Variants in TINAG observed in about 807,000 individuals in gnomAD.
The protein encoded by TINAG is tubulointerstitial nephritis antigen.
Under a neutral mutation model 72.7 loss-of-function variants are expected in TINAG, and 83 were observed. The ratio of observed to expected loss-of-function variants is 1.14; its 90% CI spans 0.96 to 1.37. The LOEUF (loss-of-function observed/expected upper bound fraction) is 1.37. TINAG is among the 40% of genes most tolerant of loss of function. The pLI, the probability that TINAG is intolerant of heterozygous loss-of-function variation, is 0.00. For synonymous variants in TINAG, 234 were observed against 189.9 expected (o/e 1.23, Z -1.91); for missense variants, 685 against 576.6 (o/e 1.19, Z -1.93).
At chr6:54,307,993 A>C (rs1015184630), upstream of TINAG, 4 of 1,533,628 alleles carry the variant, frequency 2.6e-6, no homozygotes, top group Non-Finnish European at 3.5e-6. Context: ...CAGATGGGAA[A>C]TCAAACCAGT....
rs188220153 is a variant in TINAG at position 54,312,118 on chromosome 6, G to A, written c.355+3213G>A. 1.8e-3 allele frequency among the ~76,000 whole-genome samples: 272 copies of A among 151,706 alleles called. 2 individuals are homozygous for A. Among genetic ancestry groups the A allele is most frequent in the Non-Finnish European group, 2.9e-3 (199 of 67,942 alleles). ...GTCACCCAGGCTGAAGTACAGTGGC[G>A]CCATCATGGCTCACTGCAGCCTCGA... On this transcript the variant is annotated intron_variant, in intron 1 of 10. Coordinates refer to ENST00000259782, the MANE Select transcript of TINAG (RefSeq NM_014464.4).
chr6:54,379,936 G>A (rs372889565), intron 9 of TINAG, among the ~76,000 whole-genome samples: 36 of 151,806 alleles, frequency 2.4e-4, no homozygotes, highest in South Asian at 1.7e-3. Context: ...CCTAGCCCCC[G>A]ACCCCCAAAC....
chr6:54,308,500 T>TA lies in TINAG; in HGVS notation c.-49dup. On this transcript the variant is annotated 5_prime_UTR_variant, in exon 1 of 11. Transcript: ENST00000259782. ...GGTTCCAAGGAGAAGCCCACAAGGC[T>TA]AAGGGTATTGGATATAACGGAAAGT... 1 of 1,496,726 alleles carries TA rather than the reference T, an allele frequency of 6.7e-7. No homozygotes were observed. Among genetic ancestry groups the TA allele is most frequent in the Non-Finnish European group, 9.1e-7 (1 of 1,104,654 alleles). The allele number at this position is 1,496,726 out of a possible 1,614,324, so 92.7% of individuals were successfully genotyped here. A position where few individuals can be genotyped will look rare whatever the true frequency, so the allele number is the denominator to read the frequency against.
At chr6:54,320,372 G>A (rs1470429337) in intron 1 of TINAG, among the ~76,000 whole-genome samples, 1 of 152,060 alleles carries the variant, frequency 6.6e-6, no homozygotes, top group African/African-American at 2.4e-5. Flanking sequence ...ATAATATGCA[G>A]TTTAAAGATA....
chr6:54,309,481 T>C (rs1784189213), intron 1 of TINAG, among the ~76,000 whole-genome samples: 1 of 152,202 alleles, frequency 6.6e-6, no homozygotes, highest in Non-Finnish European at 1.5e-5. Flanking sequence ...CATTTGTTTT[T>C]CCAGTCTGGG....
chr6:54,317,210 C>A (rs1784391404), intron 1 of TINAG, among the ~76,000 whole-genome samples: 1 of 151,944 alleles, frequency 6.6e-6, no homozygotes, highest in South Asian at 2.1e-4. Flanking sequence ...TTTTCAATAC[C>A]TCCATCTCTA....
chr6:54,321,453 C>T, intron 3 of TINAG, 67 bp downstream of exon 3: 1 of 1,098,270 alleles, frequency 9.1e-7, no homozygotes, highest in Non-Finnish European at 1.4e-6. Context: ...CAATGTATTG[C>T]TTGGTTTCTA....
chr6:54,313,292 T>TAG (rs1784300150), intron 1 of TINAG, among the ~76,000 whole-genome samples: 1 of 152,132 alleles, frequency 6.6e-6, no homozygotes, highest in African/African-American at 2.4e-5. Context: ...TGCCCAGGAT[T>TAG]AGTTAGGGAT....
At chr6:54,330,340 G>A (rs1175641385) in intron 4 of TINAG, among the ~76,000 whole-genome samples, 2 of 152,092 alleles carry the variant, frequency 1.3e-5, no homozygotes, top group African/African-American at 2.4e-5. Flanking sequence ...CTGAACAACC[G>A]ATTCCTGAAT....
At chr6:54,343,454 C>A in intron 5 of TINAG, 105 bp downstream of exon 5, 1 of 1,073,494 alleles carries the variant, frequency 9.3e-7, no homozygotes, top group South Asian at 3.9e-5. Flanking sequence ...TAAATATTAG[C>A]ATATGATCAA....
chr6:54,376,372 G>A (rs1763779807), intron 9 of TINAG, among the ~76,000 whole-genome samples: 2 of 151,974 alleles, frequency 1.3e-5, no homozygotes, highest in South Asian at 4.2e-4. Flanking sequence ...GAAACTAACA[G>A]GTGTAGTATA....
intron 4 of TINAG, among the ~76,000 whole-genome samples, chr6:54,336,304 A>C (rs950160402): frequency 2.0e-5 from 3 of 152,148 alleles, no homozygotes; most frequent in Non-Finnish European, 2.9e-5. Context: ...ACCTTGGGAG[A>C]ATAGCAGGGT....
chr6:54,350,722 T>C (rs758124927), intron 7 of TINAG, among the ~76,000 whole-genome samples: 1 of 150,320 alleles, frequency 6.7e-6, no homozygotes, highest in Admixed American at 6.7e-5. Flanking sequence ...TTCCTTGATT[T>C]CCAGGCAGAA....
intron 9 of TINAG, among the ~76,000 whole-genome samples, chr6:54,373,424 A>G (rs1322341679): frequency 1.3e-5 from 2 of 152,128 alleles, no homozygotes; most frequent in African/African-American, 2.4e-5. Context: ...CACCACAGCT[A>G]GAAATGATTC....
At chr6:54,351,057 A>C (rs1429011344) in intron 7 of TINAG, among the ~76,000 whole-genome samples, 1 of 152,058 alleles carries the variant, frequency 6.6e-6, no homozygotes, top group Non-Finnish European at 1.5e-5. Flanking sequence ...GAAAAAAATT[A>C]GAGGTACTAG....
At chr6:54,313,589 T>C (rs1784307724) in intron 1 of TINAG, among the ~76,000 whole-genome samples, 1 of 152,194 alleles carries the variant, frequency 6.6e-6, no homozygotes, top group Admixed American at 6.5e-5. Context: ...TATTACTTTA[T>C]TTTAATTATA....
intron 3 of TINAG, among the ~76,000 whole-genome samples, chr6:54,325,862 C>A (rs997999075): frequency 1.8e-4 from 28 of 151,992 alleles, no homozygotes; most frequent in African/African-American, 6.5e-4. Context: ...ACTAACAGAT[C>A]TTGTACAAAT....
intron 10 of TINAG, among the ~76,000 whole-genome samples, chr6:54,380,952 T>TAC (rs1763928393): frequency 2.0e-5 from 3 of 148,038 alleles, no homozygotes; most frequent in African/African-American, 7.4e-5. Context: ...TATATATGTA[T>TAC]ATATATCCTA....
intron 9 of TINAG, among the ~76,000 whole-genome samples, chr6:54,360,839 GTGTT>G (rs1763204684): frequency 5.9e-5 from 1 of 16,924 alleles, no homozygotes; most frequent in African/African-American, 1.7e-4. Context: ...CACAGATACT[GTGTT>G]TTTTTTTTTT....
Sources: gnomAD v4.1 joint callset for allele counts (sites outside exome capture counted in the v4.1 genomes callset) on GRCh38, gnomAD v4.1.1 for gene constraint, MANE v1.5 for transcripts, NCBI Gene and HGNC (gene_info 2026-07-23, HGNC 2026-07-21) for gene names.